CELF2: variants seen among roughly 807,000 people sequenced by gnomAD.
The protein encoded by CELF2 is CUGBP Elav-like family member 2.
A neutral mutation model predicts 62.6 loss-of-function variants in CELF2; 8 were observed. The observed-to-expected ratio is 0.13, with a 90% confidence interval of 0.07 to 0.23. The LOEUF (loss-of-function observed/expected upper bound fraction) is 0.23, where lower values mean the gene tolerates loss of function less well. Ranked by LOEUF, CELF2 falls within the 10% of genes least tolerant of loss-of-function variation. CELF2 has a pLI of 1.00. For missense variants in CELF2, 333 were observed against 671.0 expected (o/e 0.50, Z 5.56); for synonymous variants, 258 against 250.0 (o/e 1.03, Z -0.30).
At chr10:11,183,752 C>A (rs773594537) in intron 2 of CELF2, among the ~76,000 whole-genome samples, 1 of 152,190 alleles carries the variant, frequency 6.6e-6, no homozygotes, top group South Asian at 2.1e-4. Context: ...CAATTCAGAT[C>A]TTTTGCTCAT....
intron 2 of CELF2, among the ~76,000 whole-genome samples, chr10:10,963,178 C>T (rs569193233): frequency 2.0e-5 from 3 of 152,078 alleles, no homozygotes; most frequent in African/African-American, 4.8e-5. Flanking sequence ...CTCAGCCTCC[C>T]GAGTAGCTGG....
the CELF2 span, among the ~76,000 whole-genome samples, chr10:10,645,856 A>G: frequency 6.6e-6 from 1 of 152,186 alleles, no homozygotes; most frequent in Non-Finnish European, 1.5e-5. Flanking sequence ...CCATGTATAG[A>G]AGCAACTCTA....
the CELF2 span, among the ~76,000 whole-genome samples, chr10:10,482,502 A>G: frequency 1.3e-5 from 2 of 152,242 alleles, no homozygotes; most frequent in Non-Finnish European, 2.9e-5. Context: ...AGACTTTCAT[A>G]CAACCTTAAC....
In CELF2 at chr10:11,177,759, T is replaced by A. The variant is rs1030912297; in HGVS notation, c.271+12077T>A. On this transcript the variant is annotated intron_variant, in intron 2 of 12. Transcript: ENST00000633077. The surrounding 1 kb of genome is among the most constrained non-coding windows in gnomAD (Gnocchi z 4.8). ...TTTCTGTTCAGGATTCAACAATTGC[T>A]TGTTGATTTGGGGTGAAGATGCCAT... 2.0e-5 allele frequency among the ~76,000 whole-genome samples: 3 copies of A among 152,180 alleles called. No homozygotes were observed. The highest frequency in any genetic ancestry group is 2.9e-5 in the Non-Finnish European group (2 of 68,020).
chr10:10,684,465 A>C, the CELF2 span, among the ~76,000 whole-genome samples: 1 of 152,200 alleles, frequency 6.6e-6, no homozygotes, highest in East Asian at 1.9e-4. Context: ...ATAATGAGCC[A>C]GGCACAGTGG....
intron 3 of CELF2, among the ~76,000 whole-genome samples, chr10:11,232,761 G>A (rs1240260335): frequency 6.6e-6 from 1 of 152,096 alleles, no homozygotes; most frequent in Non-Finnish European, 1.5e-5. Context: ...CCACATTCAT[G>A]GATAGGAGAT....
At chr10:11,272,362 A>T (rs1432548161) in intron 7 of CELF2, among the ~76,000 whole-genome samples, 2 of 152,234 alleles carry the variant, frequency 1.3e-5, no homozygotes, top group Non-Finnish European at 2.9e-5. Flanking sequence ...TTTGTTTTTC[A>T]CAAATGTGTG....
intron 1 of CELF2, among the ~76,000 whole-genome samples, chr10:11,152,939 G>A (rs535814589): frequency 6.6e-6 from 1 of 152,306 alleles, no homozygotes; most frequent in African/African-American, 2.4e-5. Flanking sequence ...CTTGGCTGTG[G>A]CGCTGATTTC....
At chr10:11,052,970 A>G (rs1006945046) in intron 1 of CELF2, among the ~76,000 whole-genome samples, 2 of 151,956 alleles carry the variant, frequency 1.3e-5, no homozygotes, top group African/African-American at 4.8e-5. Context: ...ATTCTATTTA[A>G]CTTCCATTTT....
intron 2 of CELF2, among the ~76,000 whole-genome samples, chr10:10,985,266 C>A (rs1170432810): frequency 2.0e-5 from 3 of 151,890 alleles, no homozygotes; most frequent in Admixed American, 6.6e-5. Context: ...TCTTAATACA[C>A]CCCCACATTA....
intron 1 of CELF2, among the ~76,000 whole-genome samples, chr10:11,092,912 T>A (rs913026699): frequency 2.0e-5 from 3 of 152,238 alleles, no homozygotes; most frequent in Non-Finnish European, 2.9e-5. Context: ...GATATCTTAC[T>A]TTATCACCTC....
At chr10:10,704,019 G>C in the CELF2 span, among the ~76,000 whole-genome samples, 10 of 152,134 alleles carry the variant, frequency 6.6e-5, no homozygotes, top group Non-Finnish European at 1.5e-4. Context: ...TTTTACCTCT[G>C]TTTTTCACTT....
At chr10:10,606,638 C>T in the CELF2 span, among the ~76,000 whole-genome samples, 3 of 152,166 alleles carry the variant, frequency 2.0e-5, no homozygotes, top group South Asian at 2.1e-4. Context: ...TTCTTTGTAA[C>T]ATGTTCTAAC....
At chr10:10,843,561 T>G (rs2058821157) in intron 1 of CELF2, among the ~76,000 whole-genome samples, 1 of 152,018 alleles carries the variant, frequency 6.6e-6, no homozygotes, top group South Asian at 2.1e-4. Context: ...TTGTCAAAAT[T>G]TTTGAGGTGT....
At chr10:11,202,569 G>A (rs1021659171) in intron 2 of CELF2, among the ~76,000 whole-genome samples, 10 of 152,168 alleles carry the variant, frequency 6.6e-5, no homozygotes, top group African/African-American at 2.4e-4. Flanking sequence ...GAATCAAACC[G>A]ACTTTAATAT....
intron 2 of CELF2, among the ~76,000 whole-genome samples, chr10:11,216,695 C>T (rs1482996226): frequency 2.0e-5 from 3 of 152,156 alleles, no homozygotes; most frequent in Non-Finnish European, 2.9e-5. Context: ...TGCTGGCCTG[C>T]GCGGAAGGGC....
At chr10:10,517,796 C>T in the CELF2 span, among the ~76,000 whole-genome samples, 1 of 152,204 alleles carries the variant, frequency 6.6e-6, no homozygotes, top group Non-Finnish European at 1.5e-5. Context: ...AAAGCAATCC[C>T]ACTATGGCAA....
the CELF2 span, among the ~76,000 whole-genome samples, chr10:10,573,508 T>C: frequency 6.6e-6 from 1 of 152,166 alleles, no homozygotes; most frequent in Non-Finnish European, 1.5e-5. Flanking sequence ...ATGTTTTTCT[T>C]TGGGGTGGTA....
At chr10:10,542,072 T>G in the CELF2 span, among the ~76,000 whole-genome samples, 30 of 152,342 alleles carry the variant, frequency 2.0e-4, no homozygotes, top group East Asian at 5.2e-3. Flanking sequence ...CACCTGATGA[T>G]GCAGGTCAAC....
Sources: gnomAD v4.1 joint callset for allele counts (sites outside exome capture counted in the v4.1 genomes callset) on GRCh38, gnomAD v4.1.1 for gene constraint, Gnocchi (gnomAD v3.1) non-coding constraint, MANE v1.5 for transcripts, NCBI Gene and HGNC (gene_info 2026-07-23, HGNC 2026-07-21) for gene names.